The following MYH6 variants were observed in gnomAD, a reference collection of about 807,000 sequenced individuals.
MYH6 encodes myosin-6.
Under a neutral mutation model 223.2 loss-of-function variants are expected in MYH6, and 126 were observed. The ratio of observed to expected loss-of-function variants is 0.56; its 90% CI spans 0.49 to 0.65. The LOEUF (loss-of-function observed/expected upper bound fraction) is 0.65. Among genes scored for constraint, MYH6 ranks in the 30% least tolerant of loss-of-function variants. MYH6 has a pLI of 0.00. For missense variants in MYH6, 2,040 were observed against 2,536.4 expected (o/e 0.80, Z 4.20); for synonymous variants, 978 against 1,010.2 (o/e 0.97, Z 0.61).
rs766528275 is a variant in MYH6, at chr14:23,389,066, G to GTT, written c.3979-12_3979-11insAA. On this transcript the variant is annotated splice_polypyrimidine_tract_variant and intron_variant, in intron 28 of 38. Coordinates refer to ENST00000405093, the MANE Select transcript of MYH6 (RefSeq NM_002471.4). ...CAGGGCGTTCTTCGCCTGGGGAGGG[G>GTT]GGGGGGCACCAGGAGGTGGGAGGGA... 2.5e-6 allele frequency: 4 copies of GTT among 1,569,938 alleles called. No homozygotes were observed. The highest frequency in any genetic ancestry group is 3.5e-6 in the Non-Finnish European group (4 of 1,149,650).
intron 32 of MYH6, among the ~76,000 whole-genome samples, chr14:23,386,830 G>T (rs1274957246): frequency 6.6e-6 from 1 of 152,136 alleles, no homozygotes; most frequent in Non-Finnish European, 1.5e-5. Context: ...GTCAAGAAAA[G>T]GGTTTGGACC....
At chr14:23,390,715 G>A (rs999399967) in intron 25 of MYH6, among the ~76,000 whole-genome samples, 4 of 152,108 alleles carry the variant, frequency 2.6e-5, no homozygotes, top group Non-Finnish European at 5.9e-5. Context: ...AAGCTCCCAA[G>A]GGCATCTCAG....
At position 23,407,608 on chromosome 14, in the gene MYH6, T is replaced by G. The variant is rs1891829823; in HGVS notation, c.-46A>C. The G allele has an allele frequency of 8.7e-7, 1 of 1,154,460 alleles. No individual in the cohort carries two copies. Among genetic ancestry groups the G allele is most frequent in the African/African-American group, 1.6e-5 (1 of 62,336 alleles). The allele number at this position is 1,154,460 out of a possible 1,614,324, so 71.5% of individuals were successfully genotyped here. A position where few individuals can be genotyped will look rare whatever the true frequency, so the allele number is the denominator to read the frequency against. ...TCCCTTCACGGAGAATCCTGAAGAATCTGGACCGTGGGTGGAGCAAGGAAC... is the reference window on the plus strand; with the variant it reads ...TCCCTTCACGGAGAATCCTGAAGAAGCTGGACCGTGGGTGGAGCAAGGAAC... On this transcript the variant is annotated splice_region_variant and 5_prime_UTR_variant, in exon 2 of 39. Transcript: ENST00000405093. This position sits in a 1 kb window ranked among gnomAD's most constrained non-coding sequence, Gnocchi z 5.6.
rs1891412207 is a variant in MYH6, at chr14:23,396,885, G to A, written c.2169-68C>T. The A allele has an allele frequency of 3.7e-6, 6 of 1,612,710 alleles. No individual in the cohort carries two copies. The Middle Eastern group carries it at 1.0e-3, about 275-fold the overall frequency. On this transcript the variant is annotated intron_variant, in intron 18 of 38. Transcript: ENST00000405093. Reference sequence around the variant, plus strand: ...TCTGCTCTGCCCACAGAATTCCAGGGTCACCTGCAGATCCCATTCCCATCA... The same window carrying A: ...TCTGCTCTGCCCACAGAATTCCAGGATCACCTGCAGATCCCATTCCCATCA...
intron 25 of MYH6, among the ~76,000 whole-genome samples, chr14:23,391,930 T>G (rs1255200255): frequency 6.6e-6 from 1 of 152,176 alleles, no homozygotes; most frequent in Non-Finnish European, 1.5e-5. Flanking sequence ...TTCTCTAAAT[T>G]GGGCTATATT....
intron 22 of MYH6, 41 bp from the exon 23 acceptor site, chr14:23,393,559 C>T: frequency 6.2e-7 from 1 of 1,614,022 alleles, no homozygotes; most frequent in Non-Finnish European, 8.5e-7. Flanking sequence ...TCAAAGATCA[C>T]CAGCCTGGAG....
At chr14:23,403,850 C>A (rs1304463766) in intron 8 of MYH6, 72 bp from the exon 9 acceptor site, 2 of 1,342,488 alleles carry the variant, frequency 1.5e-6, no homozygotes, top group African/African-American at 1.5e-5. Context: ...TCTGTTCAGC[C>A]CAGAAGCCCT....
At position 23,407,688 on chromosome 14, in the gene MYH6, A is replaced by G; in HGVS notation, c.-46-80T>C. 9.8e-7 allele frequency: 1 copy of G among 1,023,946 alleles called. No homozygotes were observed. The highest frequency in any genetic ancestry group is 1.2e-6 in the Non-Finnish European group (1 of 843,384). The allele number at this position is 1,023,946 out of a possible 1,614,324, so 63.4% of individuals were successfully genotyped here. ...ACAGATGAGGAGAGTGAAGAACAACAGAGGCAGGCCACCCGGGGATGGAGG... is the reference window on the plus strand; with the variant it reads ...ACAGATGAGGAGAGTGAAGAACAACGGAGGCAGGCCACCCGGGGATGGAGG... On this transcript the variant is annotated intron_variant, in intron 1 of 38. Coordinates refer to ENST00000405093, the MANE Select transcript of MYH6 (RefSeq NM_002471.4). This position sits in a 1 kb window ranked among gnomAD's most constrained non-coding sequence, Gnocchi z 5.6.
intron 12 of MYH6, among the ~76,000 whole-genome samples, chr14:23,402,126 A>G (rs1452669555): frequency 6.6e-6 from 1 of 152,232 alleles, no homozygotes; most frequent in Non-Finnish European, 1.5e-5. Context: ...ACAACATGGT[A>G]TGAGCCCACG....
Position 23,402,509 on chromosome 14 carries a change from T to C in MYH6, c.1096A>G (p.Lys366Glu), listed in dbSNP as rs1400695659. 2 of 1,613,752 alleles carry C rather than the reference T, an allele frequency of 1.2e-6. No individual in the cohort carries two copies. The highest frequency in any genetic ancestry group is 2.2e-5 in the South Asian group (2 of 91,042). Reference sequence around the variant, plus strand: ...GCCTGCTCCTCCCGCTGCTTCTGCTTGAACTTCATGTTCCCGTAGTGCATG... The same window carrying C: ...GCCTGCTCCTCCCGCTGCTTCTGCTCGAACTTCATGTTCCCGTAGTGCATG... ...AIMHYGNMKF[K>E]QKQREEQAEP... is the part of the protein sequence containing the mutation. Residue 366 changes from lysine to glutamate, a missense_variant, in exon 12 of 39, where the codon AAG becomes GAG. Physicochemically the swap from Lys to Glu is moderately conservative, Grantham distance 56. Around this residue, in one of 4 missense-constraint regions of MYH6, gnomAD observed 649 missense variants for 877.3 expected, o/e 0.74. Coordinates refer to ENST00000405093, the MANE Select transcript of MYH6 (RefSeq NM_002471.4).
At chr14:23,404,503 G>A (rs1022263826) in intron 7 of MYH6, 115 bp from the exon 8 acceptor site, 10 of 1,290,996 alleles carry the variant, frequency 7.7e-6, no homozygotes, top group Admixed American at 1.8e-5. Flanking sequence ...TGGGTGAACC[G>A]CTAGTGGGTC....
intron 23 of MYH6, 22 bp downstream of exon 23, chr14:23,393,320 G>A: frequency 6.2e-7 from 1 of 1,614,098 alleles, no homozygotes; most frequent in East Asian, 2.2e-5. Flanking sequence ...CTGAGAGCAG[G>A]AGCATGGTTC....
chr14:23,390,506 G>C, intron 25 of MYH6, 60 bp from the exon 26 acceptor site: 3 of 1,585,822 alleles, frequency 1.9e-6, no homozygotes, highest in South Asian at 2.2e-5. Flanking sequence ...GAATCCCCCC[G>C]GCTCTGAAAA....
chr14:23,393,698 C>T lies in MYH6; in HGVS notation c.2896G>A (p.Val966Met). Residue 966 changes from valine to methionine, a missense_variant, in exon 22 of 39, where the codon GTG becomes ATG. Val to Met is a conservative substitution (Grantham distance 21, BLOSUM62 1). Transcript: ENST00000405093. Reference protein sequence around the residue: ...IDDLELTLAKVEKEKHATENK... With the variant: ...IDDLELTLAKMEKEKHATENK... ...TCTGTTGCATGCTTCTCCTTCTCCA[C>T]CTTGGCCAGTGTCAGCTCCAGGTCA... The T allele has an allele frequency of 3.1e-6, 5 of 1,614,172 alleles. No individual in the cohort carries two copies. Among genetic ancestry groups the T allele is most frequent in the South Asian group, 1.1e-5 (1 of 91,084 alleles).
intron 19 of MYH6, 91 bp from the exon 20 acceptor site, chr14:23,396,511 A>G: frequency 1.9e-6 from 3 of 1,575,870 alleles, no homozygotes; most frequent in Non-Finnish European, 2.6e-6. Context: ...GTGACCCATC[A>G]CCCCATGCCT....
chr14:23,407,750 A>G lies in MYH6; in HGVS notation c.-46-142T>C. ...CGCAGACAGGCAGGACAGACCAGGG[A>G]GTCAGAAAGGGAAAGACGCAGAGGC... is the stretch of plus-strand genomic sequence containing the variant. On this transcript the variant is annotated intron_variant, in intron 1 of 38. Coordinates refer to ENST00000405093, the MANE Select transcript of MYH6 (RefSeq NM_002471.4). The surrounding 1 kb of genome is among the most constrained non-coding windows in gnomAD (Gnocchi z 5.6). 2.4e-6 allele frequency: 1 copy of G among 413,922 alleles called. No individual in the cohort carries two copies. The highest frequency in any genetic ancestry group is 3.4e-6 in the Non-Finnish European group (1 of 296,934). 25.6% of individuals were successfully genotyped at this position (413,922 alleles called of 1,614,324 possible).
At chr14:23,395,615 C>T (rs530968006) in intron 20 of MYH6, among the ~76,000 whole-genome samples, 2 of 152,100 alleles carry the variant, frequency 1.3e-5, no homozygotes, top group Non-Finnish European at 2.9e-5. Context: ...CAAGCTCTGC[C>T]TCCCGGGCTC....
At chr14:23,403,882 C>T (rs1480789036) in intron 8 of MYH6, 104 bp from the exon 9 acceptor site, 37 of 1,054,704 alleles carry the variant, frequency 3.5e-5, no homozygotes, top group Admixed American at 6.0e-5. Flanking sequence ...GAAATGTAAA[C>T]GACCTCTTTG....
chr14:23,399,368 A>G (rs1891527278), intron 14 of MYH6, among the ~76,000 whole-genome samples: 1 of 152,164 alleles, frequency 6.6e-6, no homozygotes, highest in Non-Finnish European at 1.5e-5. Flanking sequence ...TGTGTGTCAG[A>G]GGCACCGGGC....
Sources: gnomAD v4.1 joint callset for allele counts (sites outside exome capture counted in the v4.1 genomes callset) on GRCh38, gnomAD v4.1.1 for gene constraint, gnomAD v4.1.1 regional missense constraint, Gnocchi (gnomAD v3.1) non-coding constraint, MANE v1.5 for transcripts, NCBI Gene and HGNC (gene_info 2026-07-23, HGNC 2026-07-21) for gene names.